The following KIFAP3 variants were observed in gnomAD, a reference collection of about 807,000 sequenced individuals.
KIFAP3 encodes kinesin associated protein 3, also known as kinesin-associated protein 3.
Under a neutral mutation model 106.5 loss-of-function variants are expected in KIFAP3, and 68 were observed. The observed-to-expected ratio is 0.64, with a 90% CI of 0.53 to 0.78. KIFAP3 has a LOEUF of 0.78. Among genes scored for constraint, KIFAP3 ranks in the 30% least tolerant of loss-of-function variants. The pLI is 0.00. For synonymous variants in KIFAP3, 320 were observed against 311.5 expected, an observed-to-expected ratio of 1.03 and a Z score of -0.29; for missense variants, 780 against 941.8, an observed-to-expected ratio of 0.83 and a Z score of 2.25.
Position 170,074,535 on chromosome 1 carries a change from C to T in KIFAP3, c.-68G>A. 4 of 1,609,202 alleles carry T rather than the reference C, an allele frequency of 2.5e-6. No homozygotes were observed. The highest frequency in any genetic ancestry group is 3.4e-6 in the Non-Finnish European group (4 of 1,177,968). On this transcript the variant is annotated 5_prime_UTR_variant, in exon 1 of 20. Coordinates refer to ENST00000361580, the MANE Select transcript of KIFAP3 (RefSeq NM_014970.4). Reference sequence around the variant, plus strand: ...AGGCAGGCGCGGTTATTTCCGGGGACGGTGGCCAAAGTACCCTCACACCCA... The same window carrying T: ...AGGCAGGCGCGGTTATTTCCGGGGATGGTGGCCAAAGTACCCTCACACCCA...
At chr1:170,009,467 G>A (rs1402440360) in intron 10 of KIFAP3, among the ~76,000 whole-genome samples, 1 of 151,962 alleles carries the variant, frequency 6.6e-6, no homozygotes, top group Non-Finnish European at 1.5e-5. Flanking sequence ...CTGTCACTAT[G>A]TGATGTTTAA....
intron 7 of KIFAP3, chr1:170,032,214 T>C (rs987397718): frequency 3.5e-5 from 14 of 396,114 alleles, no homozygotes; most frequent in African/African-American, 2.0e-4. Flanking sequence ...CTTTTTTATG[T>C]AGCCCACAGC....
chr1:169,945,115 A>T (rs778101178), intron 19 of KIFAP3, among the ~76,000 whole-genome samples: 1 of 145,514 alleles, frequency 6.9e-6, no homozygotes, highest in Non-Finnish European at 1.5e-5. Flanking sequence ...TAGGTGCCCA[A>T]AGCTTCAGAG....
chr1:170,084,981 T>C (rs549968951), intron 1 of KIFAP3: 1 of 152,318 alleles, frequency 6.6e-6, no homozygotes, highest in Admixed American at 6.5e-5. Context: ...AAATGTGTTG[T>C]TTATACATTT....
chr1:170,008,047 G>C (rs1668060616), intron 10 of KIFAP3, among the ~76,000 whole-genome samples: 1 of 151,928 alleles, frequency 6.6e-6, no homozygotes, highest in African/African-American at 2.4e-5. Flanking sequence ...AAATGGTGTT[G>C]GGAAAACTGG....
chr1:169,931,121 C>T (rs999922217), intron 19 of KIFAP3, among the ~76,000 whole-genome samples: 2 of 151,802 alleles, frequency 1.3e-5, no homozygotes, highest in East Asian at 3.9e-4. Context: ...GGTTTTGCCA[C>T]GTTGTCCAGG....
At chr1:170,024,174 T>C (rs1668994817) in intron 9 of KIFAP3, 1 of 280,844 alleles carries the variant, frequency 3.6e-6, no homozygotes. Context: ...TATATTATGT[T>C]TAATATGGCA....
At chr1:170,007,372 G>A (rs979725540) in intron 10 of KIFAP3, among the ~76,000 whole-genome samples, 1 of 151,638 alleles carries the variant, frequency 6.6e-6, no homozygotes, top group Non-Finnish European at 1.5e-5. Context: ...GGGAGAGAGG[G>A]CATATTAATA....
At chr1:170,045,351 G>T (rs558828733) in intron 3 of KIFAP3, among the ~76,000 whole-genome samples, 5 of 152,174 alleles carry the variant, frequency 3.3e-5, no homozygotes, top group Admixed American at 2.6e-4. Context: ...AATTCATATA[G>T]GTATCTGTAG....
chr1:169,931,427 A>T (rs976302274), intron 19 of KIFAP3, among the ~76,000 whole-genome samples: 2 of 152,198 alleles, frequency 1.3e-5, no homozygotes, highest in African/African-American at 4.8e-5. Context: ...TGTGATTATC[A>T]AGTTGAAATG....
At chr1:170,026,710 G>C (rs540054571) in intron 8 of KIFAP3, among the ~76,000 whole-genome samples, 2 of 152,172 alleles carry the variant, frequency 1.3e-5, no homozygotes, top group African/African-American at 4.8e-5. Context: ...GGCTGGGACA[G>C]AAAAAAATGA....
chr1:169,937,186 C>T (rs1468597193), intron 19 of KIFAP3, among the ~76,000 whole-genome samples: 1 of 151,520 alleles, frequency 6.6e-6, no homozygotes, highest in African/African-American at 2.4e-5. Flanking sequence ...ATATAAGCCT[C>T]TTAAAGAGAA....
intron 10 of KIFAP3, among the ~76,000 whole-genome samples, chr1:170,001,685 A>G (rs924229855): frequency 6.6e-6 from 1 of 152,142 alleles, no homozygotes; most frequent in African/African-American, 2.4e-5. Context: ...ACAGTTCGGT[A>G]ATAAACAGAA....
At chr1:169,998,389 TATATATATATACACACACAC>T (rs1390526360) in intron 10 of KIFAP3, among the ~76,000 whole-genome samples, 1 of 54,616 alleles carries the variant, frequency 1.8e-5, no homozygotes, top group Non-Finnish European at 4.0e-5. Context: ...CAGATATATA[TATATATATATACACACACAC>T]ACACACACAC....
chr1:170,058,857 G>A (rs1453460596), intron 1 of KIFAP3, among the ~76,000 whole-genome samples: 2 of 151,910 alleles, frequency 1.3e-5, no homozygotes, highest in African/African-American at 4.8e-5. Context: ...TTATTTAGTA[G>A]TCCATTCCCA....
At chr1:170,083,147 A>G (rs1224460782) in intron 1 of KIFAP3, among the ~76,000 whole-genome samples, 1 of 152,160 alleles carries the variant, frequency 6.6e-6, no homozygotes, top group Non-Finnish European at 1.5e-5. Flanking sequence ...AAAAGAATAG[A>G]GAGGCTAGAG....
intron 15 of KIFAP3, among the ~76,000 whole-genome samples, chr1:169,979,550 C>A (rs1666399213): frequency 6.6e-6 from 1 of 152,096 alleles, no homozygotes; most frequent in African/African-American, 2.4e-5. Flanking sequence ...TGATGAACTT[C>A]ATTAGTCATT....
chr1:169,969,996 T>A (rs1445527158), intron 17 of KIFAP3, among the ~76,000 whole-genome samples: 1 of 152,026 alleles, frequency 6.6e-6, no homozygotes, highest in African/African-American at 2.4e-5. Flanking sequence ...ATTTCTGAGG[T>A]TCTCAAATAC....
chr1:169,948,309 C>T (rs1025996717), intron 19 of KIFAP3, among the ~76,000 whole-genome samples: 1 of 151,696 alleles, frequency 6.6e-6, no homozygotes, highest in Non-Finnish European at 1.5e-5. Flanking sequence ...TTTGTAAACA[C>T]CATGTCTAGA....
Sources: allele counts gnomAD v4.1 joint callset (sites outside exome capture counted in the v4.1 genomes callset), GRCh38; gene constraint gnomAD v4.1.1; transcripts MANE v1.5; gene names NCBI Gene and HGNC (gene_info 2026-07-23, HGNC 2026-07-21).